TMED10: variants seen among roughly 807,000 people sequenced by gnomAD.
TMED10 encodes transmembrane emp24 domain-containing protein 10.
In TMED10, 7 loss-of-function variants were observed where a neutral mutation model predicts 23.1. The ratio of observed to expected loss-of-function variants is 0.30; its 90% CI spans 0.17 to 0.57. The LOEUF (loss-of-function observed/expected upper bound fraction) is 0.57. TMED10 is among the 20% of genes least tolerant of loss of function. The probability of loss-of-function intolerance (pLI) is 0.91; values close to 1 mark genes in which losing one functional copy is unlikely to be tolerated. For missense variants in TMED10, 162 were observed against 274.8 expected (o/e 0.59, Z 2.90); for synonymous variants, 113 against 106.9 (o/e 1.06, Z -0.35).
chr14:75,131,599 C>T lies in TMED10; in HGVS notation c.*3286G>A, dbSNP rs1466097993. ...AAGAAATGGCTTTATGACAGGGGTC[C>T]ATGACAATGGTATAACAAGGCTTAC... On this transcript the variant is annotated 3_prime_UTR_variant, in exon 5 of 5. Coordinates refer to ENST00000303575, the MANE Select transcript of TMED10 (RefSeq NM_006827.6). 1 of 152,542 alleles carries T rather than the reference C, an allele frequency of 6.6e-6. No individual in the cohort carries two copies. The highest frequency in any genetic ancestry group is 1.5e-5 in the Non-Finnish European group (1 of 68,038). 9.4% of individuals were successfully genotyped at this position (152,542 alleles called of 1,614,324 possible).
intron 1 of TMED10, among the ~76,000 whole-genome samples, chr14:75,163,954 A>C (rs1896117088): frequency 6.6e-6 from 1 of 152,100 alleles, no homozygotes; most frequent in South Asian, 2.1e-4. Context: ...ATACAGGTAA[A>C]CTGCCTGGAA....
intron 3 of TMED10, 170 bp downstream of exon 3, chr14:75,147,494 A>G (rs1052330365): frequency 6.8e-5 from 51 of 755,516 alleles, no homozygotes; most frequent in Admixed American, 1.6e-4. Flanking sequence ...GCGCCCGGCT[A>G]AGGCTGTTAA....
chr14:75,136,306 G>A (rs769761287), intron 3 of TMED10, among the ~76,000 whole-genome samples: 5 of 152,060 alleles, frequency 3.3e-5, no homozygotes, highest in African/African-American at 4.8e-5. Flanking sequence ...CCACAGTCAT[G>A]CACTGCCACA....
intron 3 of TMED10, among the ~76,000 whole-genome samples, chr14:75,141,757 T>G (rs1019185206): frequency 6.6e-6 from 1 of 152,196 alleles, no homozygotes; most frequent in Non-Finnish European, 1.5e-5. Context: ...AAAGGTGAAA[T>G]GAACAAGCTA....
chr14:75,139,081 G>C (rs1895790763), intron 3 of TMED10: 1 of 435,930 alleles, frequency 2.3e-6, no homozygotes, highest in Non-Finnish European at 4.6e-6. Flanking sequence ...TACCTTCATG[G>C]TTCCTCAATT....
At chr14:75,174,795 C>G (rs1896280606) in intron 1 of TMED10, among the ~76,000 whole-genome samples, 1 of 151,970 alleles carries the variant, frequency 6.6e-6, no homozygotes, top group African/African-American at 2.4e-5. Flanking sequence ...GTAATCCCAG[C>G]ACTTTGGGAG....
chr14:75,145,896 C>T (rs917857095), intron 3 of TMED10, among the ~76,000 whole-genome samples: 3 of 152,118 alleles, frequency 2.0e-5, no homozygotes, highest in Non-Finnish European at 2.9e-5. Context: ...GTCCACAGTT[C>T]GGGAACAGAA....
At chr14:75,149,614 A>G (rs1468375587) in intron 2 of TMED10, among the ~76,000 whole-genome samples, 1 of 152,250 alleles carries the variant, frequency 6.6e-6, no homozygotes, top group African/African-American at 2.4e-5. Context: ...GTAAAAGTTT[A>G]AGCCAAAGGA....
chr14:75,146,355 G>A (rs1330869505), intron 3 of TMED10, among the ~76,000 whole-genome samples: 3 of 152,154 alleles, frequency 2.0e-5, no homozygotes, highest in Non-Finnish European at 4.4e-5. Context: ...CCAAAGTGCT[G>A]TCCAAAGAGA....
chr14:75,175,039 C>CAAAAAAAA (rs57423430), intron 1 of TMED10, among the ~76,000 whole-genome samples: 23 of 87,054 alleles, frequency 2.6e-4, no homozygotes, highest in African/African-American at 4.4e-4. Context: ...GACTCCGTCT[C>CAAAAAAAA]AAAAAAAAAA....
intron 3 of TMED10, among the ~76,000 whole-genome samples, chr14:75,137,231 C>T (rs1180543512): frequency 6.0e-5 from 9 of 149,950 alleles, no homozygotes; most frequent in South Asian, 2.1e-4. Flanking sequence ...AGGATGGTCT[C>T]GATCTCTTGA....
chr14:75,163,151 A>T (rs1896104851), intron 1 of TMED10, among the ~76,000 whole-genome samples: 1 of 151,934 alleles, frequency 6.6e-6, no homozygotes, highest in South Asian at 2.1e-4. Flanking sequence ...CTCAGGGAGG[A>T]GGATTGCCTG....
intron 1 of TMED10, among the ~76,000 whole-genome samples, chr14:75,155,712 G>A (rs1198005730): frequency 6.6e-6 from 1 of 152,184 alleles, no homozygotes; most frequent in Non-Finnish European, 1.5e-5. Flanking sequence ...GGTAGCACAT[G>A]AGCTGAGTCC....
chr14:75,151,763 G>A (rs571697899), intron 2 of TMED10, among the ~76,000 whole-genome samples: 21 of 152,040 alleles, frequency 1.4e-4, no homozygotes, highest in Non-Finnish European at 2.5e-4. Flanking sequence ...TGTAATGTTC[G>A]GACAACCATA....
chr14:75,153,181 T>C (rs1433418073), intron 1 of TMED10, among the ~76,000 whole-genome samples: 2 of 148,880 alleles, frequency 1.3e-5, no homozygotes, highest in Non-Finnish European at 3.0e-5. Flanking sequence ...AATACAAAAA[T>C]TAGCCAGGCA....
intron 3 of TMED10, among the ~76,000 whole-genome samples, chr14:75,138,077 T>G (rs1017052099): frequency 2.6e-5 from 4 of 152,198 alleles, no homozygotes; most frequent in African/African-American, 7.2e-5. Context: ...GGCCCACTTT[T>G]TTTTCTCTCC....
intron 3 of TMED10, among the ~76,000 whole-genome samples, chr14:75,139,635 C>A (rs920035132): frequency 6.0e-3 from 648 of 108,794 alleles, no homozygotes; most frequent in Middle Eastern, 9.9e-3. Context: ...GACTCCGACT[C>A]AAAAAAAAAA....
At chr14:75,141,336 T>A (rs1386011357) in intron 3 of TMED10, among the ~76,000 whole-genome samples, 2 of 152,138 alleles carry the variant, frequency 1.3e-5, no homozygotes, top group Non-Finnish European at 2.9e-5. Context: ...TAGTCTGGTG[T>A]GCTAGAAACT....
At chr14:75,167,865 C>A (rs557947684) in intron 1 of TMED10, among the ~76,000 whole-genome samples, 2 of 152,084 alleles carry the variant, frequency 1.3e-5, no homozygotes, top group Non-Finnish European at 2.9e-5. Context: ...TGAGTCCCTA[C>A]AACAGGCTTT....
Sources: allele counts gnomAD v4.1 joint callset (sites outside exome capture counted in the v4.1 genomes callset), GRCh38; gene constraint gnomAD v4.1.1; transcripts MANE v1.5; gene names NCBI Gene and HGNC (gene_info 2026-07-23, HGNC 2026-07-21).